Variants in RPS6KC1 observed in about 807,000 individuals in gnomAD.
The protein encoded by RPS6KC1 is inactive ribosomal protein S6 kinase delta-1.
A neutral mutation model predicts 103.8 loss-of-function variants in RPS6KC1; 54 were observed. That is an observed-to-expected ratio of 0.52 (90% CI 0.42 to 0.65). The LOEUF (loss-of-function observed/expected upper bound fraction) is 0.65, where lower values mean the gene tolerates loss of function less well. Among genes scored for constraint, RPS6KC1 ranks in the 30% least tolerant of loss-of-function variants. RPS6KC1 has a pLI of 0.00. For synonymous variants in RPS6KC1, 439 were observed against 438.7 expected, an observed-to-expected ratio of 1.00 and a Z score of -0.01; for missense variants, 1,151 against 1,253.8, an observed-to-expected ratio of 0.92 and a Z score of 1.24.
the RPS6KC1 span, among the ~76,000 whole-genome samples, chr1:213,837,980 T>C: frequency 3.3e-5 from 5 of 152,190 alleles, no homozygotes; most frequent in African/African-American, 1.2e-4. Flanking sequence ...CAGTAATTTA[T>C]CTTTCACGTT....
At chr1:213,278,542 C>CTTCTT (rs1197446838), downstream of RPS6KC1, among the ~76,000 whole-genome samples, 1 of 152,192 alleles carries the variant, frequency 6.6e-6, no homozygotes, top group Non-Finnish European at 1.5e-5. Context: ...TTCTAAATGA[C>CTTCTT]TAAGAAAACT....
At chr1:213,231,720 T>TA (rs1387905590) in intron 9 of RPS6KC1, among the ~76,000 whole-genome samples, 1 of 152,234 alleles carries the variant, frequency 6.6e-6, no homozygotes, top group Non-Finnish European at 1.5e-5. Context: ...ATTGCCTGCT[T>TA]AATCTAAGAA....
the RPS6KC1 span, among the ~76,000 whole-genome samples, chr1:213,304,782 C>A: frequency 6.6e-6 from 1 of 152,150 alleles, no homozygotes; most frequent in Non-Finnish European, 1.5e-5. Flanking sequence ...CTGAGGTGAT[C>A]CGCCTGCCTT....
chr1:213,514,678 C>T, the RPS6KC1 span, among the ~76,000 whole-genome samples: 8 of 151,916 alleles, frequency 5.3e-5, no homozygotes, highest in South Asian at 1.0e-3. Context: ...TGAATAGTGC[C>T]GCAATAAACA....
the RPS6KC1 span, among the ~76,000 whole-genome samples, chr1:213,284,474 C>A: frequency 1.3e-5 from 2 of 151,210 alleles, no homozygotes; most frequent in Non-Finnish European, 2.9e-5. Context: ...CTTGCCACTG[C>A]ACTCTAGCCT....
At chr1:213,830,166 A>G in the RPS6KC1 span, among the ~76,000 whole-genome samples, 1 of 152,202 alleles carries the variant, frequency 6.6e-6, no homozygotes, top group East Asian at 1.9e-4. Context: ...CATCTTTTGC[A>G]TCGCTGATAC....
intron 8 of RPS6KC1, among the ~76,000 whole-genome samples, chr1:213,212,439 G>A (rs571163297): frequency 6.6e-6 from 1 of 152,122 alleles, no homozygotes; most frequent in South Asian, 2.1e-4. Flanking sequence ...AATGCTCAAT[G>A]GTATTCTGTT....
chr1:213,111,051 C>G (rs1320813935), intron 4 of RPS6KC1, among the ~76,000 whole-genome samples: 1 of 151,778 alleles, frequency 6.6e-6, no homozygotes, highest in East Asian at 1.9e-4. Flanking sequence ...ACTGTGACCA[C>G]TCAGCTGGGA....
In RPS6KC1 at chr1:213,121,361, A is replaced by C. The variant is rs116829890; in HGVS notation, c.472+3951A>C. Among the ~76,000 whole-genome samples, 1,071 of 152,356 alleles carry C rather than the reference A, an allele frequency of 7.0e-3. 14 individuals carry two copies. The highest frequency in any genetic ancestry group is 0.024 in the African/African-American group (1,015 of 41,586). ...GTTTAATATGAAATTGAAAATTAAG[A>C]AATTATTTGGTAGGTTTTTAAACAA... On this transcript the variant is annotated intron_variant, in intron 5 of 14. Transcript: ENST00000366960.
chr1:213,128,170 T>C (rs2085202892), intron 5 of RPS6KC1, among the ~76,000 whole-genome samples: 1 of 152,218 alleles, frequency 6.6e-6, no homozygotes, highest in Admixed American at 6.5e-5. Context: ...GACAACAGAT[T>C]GTGAGCAGAA....
the RPS6KC1 span, among the ~76,000 whole-genome samples, chr1:213,304,880 A>T: frequency 4.1e-3 from 627 of 152,288 alleles, 6 homozygotes; most frequent in African/African-American, 0.015. Context: ...TATGACAAAC[A>T]TTTCCATGTG....
intron 6 of RPS6KC1, among the ~76,000 whole-genome samples, chr1:213,154,790 T>A (rs1172767613): frequency 1.3e-5 from 2 of 152,188 alleles, no homozygotes; most frequent in Non-Finnish European, 2.9e-5. Flanking sequence ...AAAGTCCCCT[T>A]TACTTTTCCC....
the RPS6KC1 span, among the ~76,000 whole-genome samples, chr1:213,826,901 TG>T: frequency 1.3e-5 from 2 of 152,188 alleles, no homozygotes; most frequent in South Asian, 4.1e-4. Flanking sequence ...TGAGGCAGAC[TG>T]GGTTCAGGTC....
intron 6 of RPS6KC1, among the ~76,000 whole-genome samples, chr1:213,160,573 A>G (rs1039907875): frequency 5.9e-5 from 9 of 152,172 alleles, no homozygotes; most frequent in Admixed American, 2.6e-4. Context: ...TAAGTTATAG[A>G]AAGAGGTAAT....
chr1:213,541,901 G>C, the RPS6KC1 span, among the ~76,000 whole-genome samples: 2 of 152,322 alleles, frequency 1.3e-5, no homozygotes, highest in African/African-American at 4.8e-5. Context: ...AGGTGGAGCA[G>C]GGAATCTCCA....
At chr1:213,861,285 C>G in the RPS6KC1 span, among the ~76,000 whole-genome samples, 2 of 151,858 alleles carry the variant, frequency 1.3e-5, no homozygotes, top group Admixed American at 1.3e-4. Flanking sequence ...CAACCTTATC[C>G]CAGGAAGCTA....
chr1:213,328,836 A>C, the RPS6KC1 span, among the ~76,000 whole-genome samples: 4 of 152,102 alleles, frequency 2.6e-5, no homozygotes, highest in African/African-American at 9.7e-5. Flanking sequence ...GTCCCTACTA[A>C]GTGCATGGAC....
the RPS6KC1 span, among the ~76,000 whole-genome samples, chr1:213,687,674 C>T: frequency 6.6e-6 from 1 of 152,100 alleles, no homozygotes; most frequent in East Asian, 1.9e-4. Flanking sequence ...GTCTCAAGGA[C>T]TTTACAATCT....
At chr1:213,073,876 A>G (rs1487925958) in intron 2 of RPS6KC1, among the ~76,000 whole-genome samples, 1 of 152,044 alleles carries the variant, frequency 6.6e-6, no homozygotes, top group Non-Finnish European at 1.5e-5. Flanking sequence ...GGGTTTTACC[A>G]TGTTGGCCAG....
Sources: gnomAD v4.1 joint callset for allele counts (sites outside exome capture counted in the v4.1 genomes callset) on GRCh38, gnomAD v4.1.1 for gene constraint, MANE v1.5 for transcripts, NCBI Gene and HGNC (gene_info 2026-07-23, HGNC 2026-07-21) for gene names.